The following MPPED2 variants were observed in gnomAD, a reference collection of about 807,000 sequenced individuals.
The protein encoded by MPPED2 is metallophosphoesterase MPPED2.
A neutral mutation model predicts 33.0 loss-of-function variants in MPPED2; 5 were observed. The observed-to-expected ratio is 0.15, with a 90% CI of 0.08 to 0.32. The LOEUF is 0.32. Ranked by LOEUF, MPPED2 falls within the 10% of genes least tolerant of loss-of-function variation. The probability of loss-of-function intolerance (pLI) is 1.00; values close to 1 mark genes in which losing one functional copy is unlikely to be tolerated. For synonymous variants in MPPED2, 136 were observed against 141.9 expected (o/e 0.96, Z 0.29); for missense variants, 275 against 372.1 (o/e 0.74, Z 2.15).
intron 3 of MPPED2, among the ~76,000 whole-genome samples, chr11:30,505,091 G>A (rs1952758574): frequency 6.6e-6 from 1 of 152,156 alleles, no homozygotes; most frequent in Admixed American, 6.5e-5. Context: ...CCTTACAGTA[G>A]TCACTACTGC....
chr11:30,472,361 GAAT>G (rs35857172), intron 4 of MPPED2, among the ~76,000 whole-genome samples: 15,169 of 150,720 alleles, frequency 0.1, 976 homozygotes, highest in South Asian at 0.24. Flanking sequence ...GGCCTGTCTC[GAAT>G]AATAATAATA....
At chr11:30,508,586 A>G (rs1952969930) in intron 3 of MPPED2, among the ~76,000 whole-genome samples, 2 of 152,138 alleles carry the variant, frequency 1.3e-5, no homozygotes, top group Admixed American at 1.3e-4. Flanking sequence ...GCAAAGTAAT[A>G]CCCTTCCTAG....
chr11:30,512,293 TG>T (rs142800002), intron 3 of MPPED2, among the ~76,000 whole-genome samples: 15,506 of 152,078 alleles, frequency 0.1, 928 homozygotes, highest in East Asian at 0.22. Flanking sequence ...AGACATTCAG[TG>T]GCCTTGATGG....
intron 3 of MPPED2, among the ~76,000 whole-genome samples, chr11:30,532,708 T>A (rs1954595287): frequency 6.6e-6 from 1 of 152,240 alleles, no homozygotes; most frequent in Non-Finnish European, 1.5e-5. Flanking sequence ...CAGTTGCTCA[T>A]AATCATTACA....
intron 4 of MPPED2, among the ~76,000 whole-genome samples, chr11:30,443,956 A>G (rs1283225692): frequency 6.6e-6 from 1 of 152,240 alleles, no homozygotes; most frequent in Non-Finnish European, 1.5e-5. Flanking sequence ...GTTAAGGGAT[A>G]CAAGACCTTC....
intron 2 of MPPED2, among the ~76,000 whole-genome samples, chr11:30,579,285 C>A (rs376413465): frequency 6.6e-6 from 1 of 151,934 alleles, no homozygotes; most frequent in Non-Finnish European, 1.5e-5. Flanking sequence ...GGACATGCCC[C>A]GAGTTCAATT....
intron 2 of MPPED2, among the ~76,000 whole-genome samples, chr11:30,564,297 A>C (rs962237089): frequency 6.6e-6 from 1 of 152,130 alleles, no homozygotes; most frequent in African/African-American, 2.4e-5. Flanking sequence ...TGGGTGTTCT[A>C]TACCTAGTCA....
intron 1 of MPPED2, among the ~76,000 whole-genome samples, chr11:30,580,907 G>A (rs1286668426): frequency 1.3e-5 from 2 of 152,188 alleles, no homozygotes; most frequent in Non-Finnish European, 2.9e-5. Flanking sequence ...TCATTTGAAA[G>A]CTCCATGTTT....
chr11:30,509,814 G>T (rs1953050221), intron 3 of MPPED2, among the ~76,000 whole-genome samples: 1 of 152,116 alleles, frequency 6.6e-6, no homozygotes, highest in African/African-American at 2.4e-5. Flanking sequence ...CATGGAATGG[G>T]AAACTAAGAC....
chr11:30,585,631 C>A (rs1452703265), intron 1 of MPPED2, among the ~76,000 whole-genome samples: 1 of 152,126 alleles, frequency 6.6e-6, no homozygotes, highest in Non-Finnish European at 1.5e-5. Flanking sequence ...GCCGATACCC[C>A]CTCCTCTCCT....
In MPPED2 at chr11:30,536,169, G is replaced by T. The variant is rs373144456; in HGVS notation, c.135C>A (p.Asp45Glu). 13 of 1,599,658 alleles carry T rather than the reference G, an allele frequency of 8.1e-6. No homozygotes were observed. The highest frequency in any genetic ancestry group is 4.0e-5 in the African/African-American group (3 of 74,390). Residue 45 changes from aspartate (D) to glutamate (E), a missense_variant, in exon 3 of 7, where the codon GAC (aspartate) becomes GAA (glutamate). Asp to Glu is a conservative substitution (Grantham distance 45). Coordinates refer to ENST00000358117, the MANE Select transcript of MPPED2 (RefSeq NM_001584.3). ...GTTTTGGAGTGTCATATGGGATGGG[G>T]TCGACCCTAAAGTAGACATAACAGA... The part of the protein sequence containing the change: ...RFQPPHVHMV[D>E]PIPYDTPKPA...
chr11:30,534,893 C>A (rs1033531900), intron 3 of MPPED2, among the ~76,000 whole-genome samples: 5 of 152,108 alleles, frequency 3.3e-5, no homozygotes, highest in African/African-American at 9.7e-5. Flanking sequence ...GAATGCCATG[C>A]TGCTATTAAA....
chr11:30,417,538 A>G lies in MPPED2; in HGVS notation c.632T>C (p.Met211Thr). ...NLIPEGIDIL[M>T]THGPPLGFRD... ...CTTACCTAGAGGAGGTCCATGTGTCATGAGTATGTCAATGCCCTCAGGGAT... is the reference window on the plus strand; with the variant it reads ...CTTACCTAGAGGAGGTCCATGTGTCGTGAGTATGTCAATGCCCTCAGGGAT... The change falls in exon 5 of 7, where the codon ATG (methionine) becomes ACG (threonine). Residue 211 changes from methionine (M) to threonine (T), a missense_variant. Physicochemically the swap from Met to Thr is moderately conservative, Grantham distance 81. Coordinates refer to ENST00000358117, the MANE Select transcript of MPPED2 (RefSeq NM_001584.3). The G allele has an allele frequency of 2.5e-6, 4 of 1,611,268 alleles. No homozygotes were observed. The highest frequency in any genetic ancestry group is 3.4e-6 in the Non-Finnish European group (4 of 1,177,794).
intron 3 of MPPED2, among the ~76,000 whole-genome samples, chr11:30,529,946 C>T (rs913706624): frequency 1.3e-5 from 2 of 152,124 alleles, no homozygotes; most frequent in Admixed American, 1.3e-4. Context: ...GAAACTGAAG[C>T]TCGGAACTAT....
At chr11:30,443,427 T>C (rs1453043289) in intron 4 of MPPED2, among the ~76,000 whole-genome samples, 1 of 152,176 alleles carries the variant, frequency 6.6e-6, no homozygotes, top group East Asian at 1.9e-4. Flanking sequence ...CTGGTCTGTC[T>C]GACTTCAGGG....
chr11:30,521,494 G>A (rs975367373), intron 3 of MPPED2, among the ~76,000 whole-genome samples: 2 of 152,162 alleles, frequency 1.3e-5, no homozygotes, highest in African/African-American at 4.8e-5. Context: ...CCACAAGCCA[G>A]GTTATCAAGG....
At chr11:30,443,442 G>T (rs1949669837) in intron 4 of MPPED2, among the ~76,000 whole-genome samples, 1 of 152,168 alleles carries the variant, frequency 6.6e-6, no homozygotes, top group Non-Finnish European at 1.5e-5. Flanking sequence ...TCAGGGTCAG[G>T]CTTTTGTCTC....
At chr11:30,560,292 T>C (rs1470634968) in intron 2 of MPPED2, among the ~76,000 whole-genome samples, 2 of 151,762 alleles carry the variant, frequency 1.3e-5, no homozygotes, top group Non-Finnish European at 2.9e-5. Flanking sequence ...GCTTAAAAGA[T>C]GACTAACAAG....
intron 3 of MPPED2, among the ~76,000 whole-genome samples, chr11:30,521,500 C>G (rs1308984648): frequency 6.6e-6 from 1 of 152,182 alleles, no homozygotes; most frequent in Non-Finnish European, 1.5e-5. Flanking sequence ...GCCAGGTTAT[C>G]AAGGCTCTTT....
Sources: gnomAD v4.1 joint callset for allele counts (sites outside exome capture counted in the v4.1 genomes callset) on GRCh38, gnomAD v4.1.1 for gene constraint, MANE v1.5 for transcripts, NCBI Gene and HGNC (gene_info 2026-07-23, HGNC 2026-07-21) for gene names.